Variants in NFYB observed in about 807,000 individuals in gnomAD.
The protein encoded by NFYB is CAAT box DNA-binding protein subunit B.
Under a neutral mutation model 28.0 loss-of-function variants are expected in NFYB, and 13 were observed. The ratio of observed to expected loss-of-function variants is 0.46; its 90% confidence interval spans 0.30 to 0.74. The LOEUF (loss-of-function observed/expected upper bound fraction) is 0.74, where lower values mean the gene tolerates loss of function less well. NFYB is among the 30% of genes least tolerant of loss of function. The probability of loss-of-function intolerance (pLI) is 0.07; values close to 1 mark genes in which losing one functional copy is unlikely to be tolerated. For synonymous variants in NFYB, 74 were observed against 75.0 expected (o/e 0.99, Z 0.07); for missense variants, 142 against 247.6 (o/e 0.57, Z 2.86).
chr12:104,121,467 T>C, intron 5 of NFYB, 146 bp from the exon 6 acceptor site: 4 of 655,432 alleles, frequency 6.1e-6, no homozygotes, highest in Non-Finnish European at 1.1e-5. Flanking sequence ...TAATTACATA[T>C]GAAGAAGGCT....
chr12:104,135,932 T>C (rs906693613), intron 1 of NFYB, among the ~76,000 whole-genome samples: 1 of 152,204 alleles, frequency 6.6e-6, no homozygotes, highest in African/African-American at 2.4e-5. Context: ...AACACACCCC[T>C]TATCATCTTA....
At chr12:104,137,571 C>A in intron 1 of NFYB, 2 of 152,366 alleles carry the variant, frequency 1.3e-5, no homozygotes, top group South Asian at 3.9e-4. Context: ...TCCCCTGACT[C>A]GCCCGGCCGC....
intron 1 of NFYB, among the ~76,000 whole-genome samples, 167 bp from the exon 2 acceptor site, chr12:104,135,699 C>T (rs1394286217): frequency 6.6e-6 from 1 of 151,934 alleles, no homozygotes; most frequent in Non-Finnish European, 1.5e-5. Flanking sequence ...AAAAAGGCAC[C>T]CAATAAATGT....
rs2031194162 is a variant in NFYB, at chr12:104,138,123, C to G, written c.-80+18G>C. ...GAGTCGGTTTAGGAGCGATCATTGG[C>G]CGAAGCGAGACACAAACCTCCAATG... On this transcript the variant is annotated intron_variant, in intron 1 of 7. Coordinates refer to ENST00000240055, the MANE Select transcript of NFYB (RefSeq NM_006166.4). 6.7e-6 allele frequency: 1 copy of G among 148,152 alleles called. No individual in the cohort carries two copies. Among genetic ancestry groups the G allele is most frequent in the Non-Finnish European group, 1.5e-5 (1 of 66,414 alleles). 9.2% of individuals were successfully genotyped at this position (148,152 alleles called of 1,614,324 possible).
intron 2 of NFYB, among the ~76,000 whole-genome samples, chr12:104,129,298 G>A (rs2030839238): frequency 6.6e-6 from 1 of 151,672 alleles, no homozygotes; most frequent in African/African-American, 2.4e-5. Flanking sequence ...GTGAGAACCT[G>A]TCTCTTAAAA....
chr12:104,122,107 T>C (rs988517554), intron 5 of NFYB, among the ~76,000 whole-genome samples: 3 of 152,344 alleles, frequency 2.0e-5, no homozygotes, highest in African/African-American at 7.2e-5. Context: ...ATGCTACTTC[T>C]TTGAAATTAA....
In NFYB at chr12:104,129,304, T is replaced by TA. The variant is rs904690167; in HGVS notation, c.7-788dup. Among the ~76,000 whole-genome samples the TA allele has an allele frequency of 4.8e-4, 71 of 148,070 alleles. No homozygotes were observed. The South Asian group carries it at 6.4e-3, about 13-fold the overall frequency. On this transcript the variant is annotated intron_variant, in intron 2 of 7. Transcript: ENST00000240055. ...GTCAATGTAGTGAGAACCTGTCTCT[T>TA]AAAAAAAAAAATCAGCTTAAGTCAT...
intron 4 of NFYB, among the ~76,000 whole-genome samples, chr12:104,124,214 G>A (rs1555199210): frequency 2.0e-5 from 3 of 152,200 alleles, no homozygotes; most frequent in Admixed American, 1.3e-4. Flanking sequence ...AGAGAGAAAT[G>A]ATAACATACG....
Position 104,118,727 on chromosome 12 carries a change from GCACT to G in NFYB, c.*1006_*1009del, listed in dbSNP as rs1461830565. On this transcript the variant is annotated 3_prime_UTR_variant, in exon 8 of 8. Transcript: ENST00000240055. ...TGGCTTCTATTTCACACCGTTCACA[GCACT>G]CACTCTGTTCTCCATTTCATCCACT... The G allele has an allele frequency of 2.0e-5, 3 of 152,194 alleles. No homozygotes were observed. In the South Asian group the frequency reaches 6.2e-4, roughly 32 times the overall value. 9.4% of individuals were successfully genotyped at this position (152,194 alleles called of 1,614,324 possible).
At position 104,117,955 on chromosome 12, in the gene NFYB, G is replaced by A. The variant is rs1212474304; in HGVS notation, c.*1782C>T. 6.6e-6 allele frequency: 1 copy of A among 152,088 alleles called. No individual in the cohort carries two copies. Among genetic ancestry groups the A allele is most frequent in the East Asian group, 1.9e-4 (1 of 5,196 alleles). 9.4% of individuals were successfully genotyped at this position (152,088 alleles called of 1,614,324 possible). A position where few individuals can be genotyped will look rare whatever the true frequency, so the allele number is the denominator to read the frequency against. On this transcript the variant is annotated 3_prime_UTR_variant, in exon 8 of 8. Coordinates refer to ENST00000240055, the MANE Select transcript of NFYB (RefSeq NM_006166.4). ...AAGAAAACAGTCATGGATGTACATGGGATTCAGTGAAGTGCTGTTTATAAC... is the reference window on the plus strand; with the variant it reads ...AAGAAAACAGTCATGGATGTACATGAGATTCAGTGAAGTGCTGTTTATAAC...
chr12:104,119,686 A>G lies in NFYB; in HGVS notation c.*51T>C. 1 of 1,381,312 alleles carries G rather than the reference A, an allele frequency of 7.2e-7. No homozygotes were observed. The highest frequency in any genetic ancestry group is 1.0e-6 in the Non-Finnish European group (1 of 974,874). The allele number at this position is 1,381,312 out of a possible 1,614,324, so 85.6% of individuals were successfully genotyped here. ...TTCCTTCTGATGTCTCTGTTCCAGA[A>G]TCATACAGACTCTCATTTCTCTACA... On this transcript the variant is annotated 3_prime_UTR_variant, in exon 8 of 8. Transcript: ENST00000240055.
At chr12:104,122,652 G>A (rs777408326) in intron 5 of NFYB, among the ~76,000 whole-genome samples, 114 of 152,260 alleles carry the variant, frequency 7.5e-4, no homozygotes, top group Admixed American at 1.4e-3. Flanking sequence ...ATCTGAGGTG[G>A]AACAGTTTCA....
chr12:104,135,145 T>C (rs1353063427), intron 2 of NFYB, among the ~76,000 whole-genome samples: 1 of 152,242 alleles, frequency 6.6e-6, no homozygotes, highest in Non-Finnish European at 1.5e-5. Context: ...ACTTAAGAGT[T>C]AGCATTTTCC....
intron 2 of NFYB, among the ~76,000 whole-genome samples, chr12:104,133,023 ATAT>A (rs1593637124): frequency 6.6e-6 from 1 of 152,238 alleles, no homozygotes; most frequent in East Asian, 1.9e-4. Flanking sequence ...ATTCTTGAAA[ATAT>A]TATTTGAAAT....
intron 2 of NFYB, among the ~76,000 whole-genome samples, chr12:104,133,925 A>G (rs1311649234): frequency 6.6e-6 from 1 of 152,152 alleles, no homozygotes; most frequent in African/African-American, 2.4e-5. Flanking sequence ...TCTTGCCCTG[A>G]CAGTTGTTAA....
chr12:104,135,419 T>C, intron 2 of NFYB, 29 bp downstream of exon 2: 1 of 1,576,050 alleles, frequency 6.3e-7, no homozygotes. Flanking sequence ...CAAATCTAAT[T>C]AACAACCAAA....
intron 2 of NFYB, chr12:104,131,843 G>C: frequency 2.2e-6 from 1 of 454,826 alleles, no homozygotes; most frequent in South Asian, 1.6e-5. Context: ...CATAACCTGG[G>C]AGGCAGGGTG....
At chr12:104,127,423 C>T (rs1214406496) in intron 3 of NFYB, among the ~76,000 whole-genome samples, 1 of 151,716 alleles carries the variant, frequency 6.6e-6, no homozygotes, top group Non-Finnish European at 1.5e-5. Context: ...AAAAAATTAG[C>T]TGGGCATGGT....
chr12:104,123,948 G>C (rs1349693438), intron 4 of NFYB, among the ~76,000 whole-genome samples: 1 of 152,056 alleles, frequency 6.6e-6, no homozygotes, highest in African/African-American at 2.4e-5. Flanking sequence ...GGCAAAAAGA[G>C]CGAGACTCCG....
Sources: gnomAD v4.1 joint callset for allele counts (sites outside exome capture counted in the v4.1 genomes callset) on GRCh38, gnomAD v4.1.1 for gene constraint, MANE v1.5 for transcripts, NCBI Gene and HGNC (gene_info 2026-07-23, HGNC 2026-07-21) for gene names.